KHDRBS3: variants seen among roughly 807,000 people sequenced by gnomAD.
The protein encoded by KHDRBS3 is KH RNA binding domain containing, signal transduction associated 3, also known as KH domain-containing, RNA-binding, signal transduction-associated protein 3.
Under a neutral mutation model 45.6 loss-of-function variants are expected in KHDRBS3, and 23 were observed. The observed-to-expected ratio is 0.50, with a 90% CI of 0.36 to 0.72. KHDRBS3 has a LOEUF of 0.72. Ranked by LOEUF, KHDRBS3 falls within the 30% of genes least tolerant of loss-of-function variation. The pLI is 0.00. For synonymous variants in KHDRBS3, 162 were observed against 156.5 expected, an observed-to-expected ratio of 1.04 and a Z score of -0.26; for missense variants, 352 against 424.8, an observed-to-expected ratio of 0.83 and a Z score of 1.51.
chr8:135,581,901 G>A lies in KHDRBS3; in HGVS notation c.635G>A (p.Arg212Gln), dbSNP rs773950506. The change falls in exon 6 of 9, where the codon CGG becomes CAG. Residue 212 changes from arginine to glutamine, a missense_variant. Physicochemically the swap from Arg to Gln is conservative, Grantham distance 43. Coordinates refer to ENST00000355849, the MANE Select transcript of KHDRBS3 (RefSeq NM_006558.3). ...AGGGGAAGGGGAGGAGTTACAGCCC[G>A]GCCAGTTGGAGTTGTAGTACCACGA... ...ITRGRGGVTARPVGVVVPRGT... is the reference protein window; with the variant it reads ...ITRGRGGVTAQPVGVVVPRGT... The A allele has an allele frequency of 9.4e-6, 15 of 1,601,950 alleles. No individual in the cohort carries two copies. Among genetic ancestry groups the A allele is most frequent in the African/African-American group, 6.7e-5 (5 of 74,704 alleles).
intron 5 of KHDRBS3, among the ~76,000 whole-genome samples, chr8:135,560,063 ATAAAC>A (rs1238701823): frequency 6.6e-6 from 1 of 152,226 alleles, no homozygotes; most frequent in Non-Finnish European, 1.5e-5. Context: ...AAAAATAAAA[ATAAAC>A]TAAAAAGAGA....
intron 7 of KHDRBS3, among the ~76,000 whole-genome samples, chr8:135,626,822 A>AG (rs1308036986): frequency 9.0e-6 from 1 of 111,100 alleles, no homozygotes; most frequent in Non-Finnish European, 1.7e-5. Context: ...AAAAAAAAAA[A>AG]AAGAGGCACA....
At chr8:135,613,235 T>C (rs1212161443) in intron 7 of KHDRBS3, among the ~76,000 whole-genome samples, 4 of 151,968 alleles carry the variant, frequency 2.6e-5, no homozygotes, top group Admixed American at 1.3e-4. Context: ...TGTGCCGATG[T>C]ATTATCAGAA....
At chr8:135,550,639 C>G (rs76614652) in intron 4 of KHDRBS3, among the ~76,000 whole-genome samples, 16 of 152,142 alleles carry the variant, frequency 1.1e-4, no homozygotes, top group Non-Finnish European at 1.6e-4. Context: ...TTAAGTAAAT[C>G]TGGAAATCTA....
At chr8:135,554,447 T>C (rs28649681) in intron 4 of KHDRBS3, among the ~76,000 whole-genome samples, 3,222 of 152,288 alleles carry the variant, frequency 0.021, 118 homozygotes, top group African/African-American at 0.074. Context: ...TTACAAATTA[T>C]GTATTAATCT....
chr8:135,609,594 C>A (rs1829626602), intron 7 of KHDRBS3, among the ~76,000 whole-genome samples: 1 of 151,914 alleles, frequency 6.6e-6, no homozygotes, highest in East Asian at 1.9e-4. Context: ...CACACCGGGC[C>A]TACCTTTTTG....
intron 1 of KHDRBS3, among the ~76,000 whole-genome samples, chr8:135,484,303 C>A (rs1396816062): frequency 2.0e-5 from 3 of 152,218 alleles, no homozygotes; most frequent in African/African-American, 7.2e-5. Flanking sequence ...TAGTACACTC[C>A]CTTCCTCACC....
At position 135,491,368 on chromosome 8, in the gene KHDRBS3, T is replaced by G. The variant is rs143563798; in HGVS notation, c.89-29869T>G. Among the ~76,000 whole-genome samples the G allele has an allele frequency of 1.9e-3, 294 of 152,202 alleles. 1 individual carries two copies. The highest frequency in any genetic ancestry group is 6.8e-3 in the African/African-American group (283 of 41,532). Reference sequence around the variant, plus strand: ...CTGTTAGGTACCTAAGGAGGGAAATTCTTTAGGTTTTAGGAACAACCAAAA... The same window carrying G: ...CTGTTAGGTACCTAAGGAGGGAAATGCTTTAGGTTTTAGGAACAACCAAAA... On this transcript the variant is annotated intron_variant, in intron 1 of 8. Coordinates refer to ENST00000355849, the MANE Select transcript of KHDRBS3 (RefSeq NM_006558.3).
At chr8:135,619,520 GC>G (rs1233701352) in intron 7 of KHDRBS3, among the ~76,000 whole-genome samples, 1 of 152,134 alleles carries the variant, frequency 6.6e-6, no homozygotes, top group African/African-American at 2.4e-5. Context: ...GTGACCATGG[GC>G]AAGTTATTTA....
At chr8:135,535,479 A>C (rs1825702267) in intron 2 of KHDRBS3, among the ~76,000 whole-genome samples, 1 of 149,944 alleles carries the variant, frequency 6.7e-6, no homozygotes, top group South Asian at 2.1e-4. Flanking sequence ...AGGGACTCAT[A>C]ATTTCTGTAG....
intron 6 of KHDRBS3, among the ~76,000 whole-genome samples, chr8:135,594,284 T>G (rs1828876849): frequency 6.6e-6 from 1 of 152,340 alleles, no homozygotes; most frequent in East Asian, 1.9e-4. Context: ...GTTCTTATAG[T>G]GTGGCATTAT....
chr8:135,545,272 G>A (rs1001137017), intron 3 of KHDRBS3, among the ~76,000 whole-genome samples: 1 of 152,066 alleles, frequency 6.6e-6, no homozygotes, highest in Admixed American at 6.6e-5. Flanking sequence ...GAGATGATAA[G>A]GAGGAGGAGT....
chr8:135,555,013 A>G (rs1335215758), intron 4 of KHDRBS3, among the ~76,000 whole-genome samples: 1 of 151,974 alleles, frequency 6.6e-6, no homozygotes, highest in Non-Finnish European at 1.5e-5. Context: ...CCTGCCGTTA[A>G]TTTCTGTGGC....
Position 135,457,998 on chromosome 8 carries a change from C to T in KHDRBS3, c.88+44C>T. The T allele has an allele frequency of 6.5e-7, 1 of 1,538,054 alleles. No individual in the cohort carries two copies. Among genetic ancestry groups the T allele is most frequent in the Non-Finnish European group, 8.7e-7 (1 of 1,144,376 alleles). On this transcript the variant is annotated intron_variant, in intron 1 of 8. Transcript: ENST00000355849. The surrounding 1 kb of genome is among the most constrained non-coding windows in gnomAD (Gnocchi z 4.4). ...ACTGCCGGCCGGCGGCGGTTGGGGG[C>T]CGGGTGGAAACGCGGGGGCCCAGGG... is the stretch of plus-strand genomic sequence containing the variant.
chr8:135,530,783 C>T lies in KHDRBS3; in HGVS notation c.207+9428C>T, dbSNP rs183625824. ...GATACCAGGACATAATTTTTGTCTACGCACTTCTCTCTCATTGACCTGCTT... is the reference window on the plus strand; with the variant it reads ...GATACCAGGACATAATTTTTGTCTATGCACTTCTCTCTCATTGACCTGCTT... On this transcript the variant is annotated intron_variant, in intron 2 of 8. Transcript: ENST00000355849. Among the ~76,000 whole-genome samples, 36 of 152,228 alleles carry T rather than the reference C, an allele frequency of 2.4e-4. No homozygotes were observed. The East Asian group carries it at 3.5e-3, about 15-fold the overall frequency.
At chr8:135,490,364 G>A (rs1181687307) in intron 1 of KHDRBS3, among the ~76,000 whole-genome samples, 1 of 152,114 alleles carries the variant, frequency 6.6e-6, no homozygotes. Context: ...ATCAGCCTAA[G>A]AACACATCCC....
chr8:135,551,299 AC>A lies in KHDRBS3; in HGVS notation c.471+2400del, dbSNP rs765874327. Among the ~76,000 whole-genome samples, 8 of 152,166 alleles carry A rather than the reference AC, an allele frequency of 5.3e-5. 1 individual carries two copies. Among genetic ancestry groups the A allele is most frequent in the Non-Finnish European group, 1.2e-4 (8 of 67,990 alleles). On this transcript the variant is annotated intron_variant, in intron 4 of 8. Coordinates refer to ENST00000355849, the MANE Select transcript of KHDRBS3 (RefSeq NM_006558.3). ...TCCACTCCATTCCGTTCCTTATGAC[AC>A]TGACTAGAACCGTGAATGCAGTGTT...
At chr8:135,606,371 A>C (rs1172581483) in intron 6 of KHDRBS3, among the ~76,000 whole-genome samples, 3 of 152,098 alleles carry the variant, frequency 2.0e-5, no homozygotes, top group Non-Finnish European at 4.4e-5. Flanking sequence ...GTTTTTCTTC[A>C]CTACCTCAGG....
intron 4 of KHDRBS3, among the ~76,000 whole-genome samples, chr8:135,551,776 G>A (rs1489465784): frequency 6.6e-6 from 1 of 151,980 alleles, no homozygotes; most frequent in African/African-American, 2.4e-5. Context: ...TTCTTCCTGT[G>A]GATAGAGCTG....
Sources: gnomAD v4.1 joint callset for allele counts (sites outside exome capture counted in the v4.1 genomes callset) on GRCh38, gnomAD v4.1.1 for gene constraint, Gnocchi (gnomAD v3.1) non-coding constraint, MANE v1.5 for transcripts, NCBI Gene and HGNC (gene_info 2026-07-23, HGNC 2026-07-21) for gene names.